Variants in FGF12 observed in about 807,000 individuals in gnomAD.
The protein encoded by FGF12 is fibroblast growth factor 12.
A neutral mutation model predicts 23.6 loss-of-function variants in FGF12; 14 were observed. The observed-to-expected ratio is 0.59, with a 90% confidence interval of 0.39 to 0.93. The LOEUF (loss-of-function observed/expected upper bound fraction) is 0.93. FGF12 is among the 40% of genes least tolerant of loss of function. The pLI, the probability that FGF12 is intolerant of heterozygous loss-of-function variation, is 0.00. For missense variants in FGF12, 175 were observed against 217.8 expected (o/e 0.80, Z 1.24); for synonymous variants, 62 against 77.3 (o/e 0.80, Z 1.04).
chr3:192,405,782 T>C (rs1453269709), intron 2 of FGF12, among the ~76,000 whole-genome samples: 1 of 152,254 alleles, frequency 6.6e-6, no homozygotes, highest in African/African-American at 2.4e-5. Context: ...ATGTGAATCA[T>C]GGCTGCTGAC....
At chr3:192,521,005 C>T (rs1724799711) in intron 2 of FGF12, among the ~76,000 whole-genome samples, 1 of 152,158 alleles carries the variant, frequency 6.6e-6, no homozygotes, top group South Asian at 2.1e-4. Context: ...CTGTGTGCCT[C>T]CAGGGTAGCC....
chr3:192,694,446 T>C (rs1227851834), intron 2 of FGF12, among the ~76,000 whole-genome samples: 2 of 152,108 alleles, frequency 1.3e-5, no homozygotes, highest in Non-Finnish European at 2.9e-5. Flanking sequence ...TGCATTCCCA[T>C]GTTCACTTCA....
At chr3:192,589,684 G>A (rs1240366852) in intron 2 of FGF12, among the ~76,000 whole-genome samples, 1 of 151,810 alleles carries the variant, frequency 6.6e-6, no homozygotes, top group Non-Finnish European at 1.5e-5. Context: ...GAAGAGTGGA[G>A]TCAAGAAGTA....
At chr3:192,714,274 G>C (rs2108741698) in intron 2 of FGF12, among the ~76,000 whole-genome samples, 1 of 152,156 alleles carries the variant, frequency 6.6e-6, no homozygotes, top group Non-Finnish European at 1.5e-5. Context: ...TTCAGAAACT[G>C]TTCTTTTAGA....
chr3:192,620,414 G>A (rs2108647246), intron 2 of FGF12, among the ~76,000 whole-genome samples: 1 of 152,220 alleles, frequency 6.6e-6, no homozygotes, highest in Middle Eastern at 3.4e-3. Flanking sequence ...TACCCCAGTG[G>A]CTGTAACATA....
chr3:192,644,593 G>A (rs550965002), intron 2 of FGF12, among the ~76,000 whole-genome samples: 3 of 152,084 alleles, frequency 2.0e-5, no homozygotes, highest in African/African-American at 7.2e-5. Context: ...AAAATAATAT[G>A]AATAAGAATT....
At chr3:192,476,343 C>G (rs1308232143) in intron 2 of FGF12, among the ~76,000 whole-genome samples, 1 of 152,090 alleles carries the variant, frequency 6.6e-6, no homozygotes, top group Non-Finnish European at 1.5e-5. Context: ...GCCCAGAGGT[C>G]TCTAACAAAA....
At chr3:192,692,224 C>G (rs1717964090) in intron 2 of FGF12, among the ~76,000 whole-genome samples, 1 of 152,248 alleles carries the variant, frequency 6.6e-6, no homozygotes, top group South Asian at 2.1e-4. Flanking sequence ...AGGAAAACAA[C>G]AGGCCAATAC....
intron 2 of FGF12, among the ~76,000 whole-genome samples, chr3:192,663,640 A>G (rs1048070898): frequency 8.5e-5 from 13 of 152,288 alleles, no homozygotes; most frequent in Non-Finnish European, 1.0e-4. Flanking sequence ...TTAAAAGTCA[A>G]ATTATTATTA....
At chr3:192,158,655 C>CCCTTCCCTCCCCCTTCCTTCTTT (rs1553844332) in intron 5 of FGF12, among the ~76,000 whole-genome samples, 9 of 27,098 alleles carry the variant, frequency 3.3e-4, no homozygotes, top group South Asian at 3.5e-3. Context: ...CTCCCTCCCT[C>CCCTTCCCTCCCCCTTCCTTCTTT]CCTTCCTTCC....
chr3:192,396,844 G>A (rs12633360), intron 2 of FGF12, among the ~76,000 whole-genome samples: 22,344 of 152,170 alleles, frequency 0.15, 1,841 homozygotes, highest in South Asian at 0.23. Flanking sequence ...ACCAGCTTCA[G>A]ACTGAATGTA....
intron 2 of FGF12, among the ~76,000 whole-genome samples, chr3:192,724,294 A>C (rs1719140880): frequency 6.6e-6 from 1 of 152,160 alleles, no homozygotes; most frequent in African/African-American, 2.4e-5. Flanking sequence ...TGCAAACCAC[A>C]TTTTGACTAT....
At chr3:192,160,250 T>TA (rs1714790711) in intron 5 of FGF12, among the ~76,000 whole-genome samples, 2 of 152,166 alleles carry the variant, frequency 1.3e-5, no homozygotes, top group South Asian at 4.1e-4. Flanking sequence ...ACATTAACCA[T>TA]AAAATCTAAA....
chr3:192,517,985 G>T lies in FGF12; in HGVS notation c.14-157447C>A, dbSNP rs909268311. ...AAGACAAAACAAAACAAAAAAAATA[G>T]CCAGGAGCACATGAAGGGTAAGAAA... On this transcript the variant is annotated intron_variant, in intron 2 of 5. Coordinates refer to ENST00000445105, the MANE Select transcript of FGF12 (RefSeq NM_004113.6). Among the ~76,000 whole-genome samples the T allele has an allele frequency of 7.2e-4, 110 of 152,098 alleles. 1 individual carries two copies. Among genetic ancestry groups the T allele is most frequent in the African/African-American group, 2.6e-3 (106 of 41,508 alleles).
intron 2 of FGF12, among the ~76,000 whole-genome samples, chr3:192,596,789 T>TG: frequency 6.6e-6 from 1 of 152,346 alleles, no homozygotes; most frequent in East Asian, 1.9e-4. Context: ...CACGGCAGCT[T>TG]TGCAGTGAAT....
intron 4 of FGF12, among the ~76,000 whole-genome samples, chr3:192,214,098 A>G (rs937181359): frequency 6.6e-6 from 1 of 152,206 alleles, no homozygotes; most frequent in African/African-American, 2.4e-5. Context: ...CTCAATCTAG[A>G]AGATGCTTTT....
chr3:192,625,627 C>G (rs912986982), intron 2 of FGF12, among the ~76,000 whole-genome samples: 1 of 151,958 alleles, frequency 6.6e-6, no homozygotes, highest in East Asian at 1.9e-4. Flanking sequence ...AAAAACTGAG[C>G]AAATACATAA....
chr3:192,229,781 T>A (rs1157393176), intron 4 of FGF12, among the ~76,000 whole-genome samples: 3 of 152,114 alleles, frequency 2.0e-5, no homozygotes, highest in Non-Finnish European at 4.4e-5. Flanking sequence ...ATTATGTAAA[T>A]GAAAGCGATC....
intron 4 of FGF12, among the ~76,000 whole-genome samples, chr3:192,272,392 T>A (rs1399159340): frequency 1.3e-5 from 2 of 152,260 alleles, no homozygotes; most frequent in East Asian, 3.9e-4. Flanking sequence ...AAAAATGTAA[T>A]CCATTTCATG....
Sources: allele counts gnomAD v4.1 joint callset (sites outside exome capture counted in the v4.1 genomes callset), GRCh38; gene constraint gnomAD v4.1.1; transcripts MANE v1.5; gene names NCBI Gene and HGNC (gene_info 2026-07-23, HGNC 2026-07-21).